PDK2: variants seen among roughly 807,000 people sequenced by gnomAD.
PDK2 encodes the protein pyruvate dehydrogenase kinase 2, also known as pyruvate dehydrogenase kinase, isozyme 2.
Under a neutral mutation model 50.4 loss-of-function variants are expected in PDK2, and 34 were observed. That is an observed-to-expected ratio of 0.68 (90% CI 0.51 to 0.90). PDK2 has a LOEUF of 0.90. PDK2 is among the 40% of genes least tolerant of loss of function. PDK2 has a pLI of 0.00. For missense variants in PDK2, 377 were observed against 544.5 expected (o/e 0.69, Z 3.06); for synonymous variants, 232 against 216.0 (o/e 1.07, Z -0.65).
At chr17:50,106,226 A>G (rs1266031270) in intron 4 of PDK2, 157 bp downstream of exon 4, 1 of 1,420,788 alleles carries the variant, frequency 7.0e-7, no homozygotes, top group Non-Finnish European at 9.2e-7. Flanking sequence ...TGGCTCCAAC[A>G]TGGAAAAATA....
chr17:50,101,257 A>G lies in PDK2; in HGVS notation c.260+3693A>G, dbSNP rs1421830609. On this transcript the variant is annotated intron_variant, in intron 2 of 10. Coordinates refer to ENST00000503176, the MANE Select transcript of PDK2 (RefSeq NM_002611.5). The surrounding 1 kb of genome is among the most constrained non-coding windows in gnomAD (Gnocchi z 4.2). Reference sequence around the variant, plus strand: ...CTGCTAAAGCCACACGAGCTCTCCAAACCCGTCAGCCGCTCCTTGCATGAC... The same window carrying G: ...CTGCTAAAGCCACACGAGCTCTCCAGACCCGTCAGCCGCTCCTTGCATGAC... Among the ~76,000 whole-genome samples the G allele has an allele frequency of 6.6e-6, 1 of 152,144 alleles. No homozygotes were observed. The highest frequency in any genetic ancestry group is 6.5e-5 in the Admixed American group (1 of 15,278).
In PDK2 at chr17:50,109,954, C is replaced by T; in HGVS notation, c.1084-3C>T. 6.4e-7 allele frequency: 1 copy of T among 1,555,162 alleles called. No individual in the cohort carries two copies. The highest frequency in any genetic ancestry group is 1.2e-5 in the South Asian group (1 of 84,264). ...GGGAGGGGCTGACCCTGACACTCCCCAGGCCCTGTCCACGGACTCGGTGGA... is the reference window on the plus strand; with the variant it reads ...GGGAGGGGCTGACCCTGACACTCCCTAGGCCCTGTCCACGGACTCGGTGGA... On this transcript the variant is annotated splice_region_variant and splice_polypyrimidine_tract_variant and intron_variant, in intron 10 of 10. Coordinates refer to ENST00000503176, the MANE Select transcript of PDK2 (RefSeq NM_002611.5). This position sits in a 1 kb window ranked among gnomAD's most constrained non-coding sequence, Gnocchi z 5.0.
intron 1 of PDK2, 63 bp from the exon 2 acceptor site, chr17:50,097,360 C>T (rs965651092): frequency 5.7e-6 from 9 of 1,566,898 alleles, no homozygotes; most frequent in Non-Finnish European, 7.8e-6. Context: ...GCTGACCTGG[C>T]CGAGACATCC....
chr17:50,108,785 T>C, intron 9 of PDK2, 66 bp downstream of exon 9: 1 of 949,256 alleles, frequency 1.1e-6, no homozygotes. Context: ...CTCACTTCCT[T>C]ATCTCCCTGC....
rs1220989495 is a variant in PDK2, at chr17:50,108,709, G to A, written c.959G>A (p.Gly320Glu). 1.9e-6 allele frequency: 3 copies of A among 1,609,122 alleles called. No individual in the cohort carries two copies. Among genetic ancestry groups the A allele is most frequent in the Non-Finnish European group, 2.5e-6 (3 of 1,177,012 alleles). ...TAPTPQPGTG[G>E]TPLAGFGYGL... The stretch of plus-strand genomic sequence containing the variant: ...CCCACCCCCCAGCCTGGCACCGGGG[G>A]AACGCCGCTGGTGAGATGGCTTCAC... Residue 320 changes from glycine (G) to glutamate (E), a missense_variant, in exon 9 of 11, where the codon GGA (glycine) becomes GAA (glutamate). Transcript: ENST00000503176.
In PDK2 at chr17:50,107,090, G is replaced by T. The variant is rs964935785; in HGVS notation, c.622G>T (p.Ala208Ser). The change falls in exon 6 of 11, where the codon GCT becomes TCT. Residue 208 changes from alanine to serine, a missense_variant. Physicochemically the swap from Ala to Ser is moderately conservative, Grantham distance 99 (BLOSUM62 1). Transcript: ENST00000503176. ...SEVVKDAYDM[A>S]KLLCDKYYMA... ...TCTTCTCTCAGATGCCTACGACATG[G>T]CTAAGCTCCTGTGTGACAAGTATTA... The T allele has an allele frequency of 6.2e-7, 1 of 1,614,004 alleles. No individual in the cohort carries two copies. The highest frequency in any genetic ancestry group is 1.3e-5 in the African/African-American group (1 of 74,912).
intron 2 of PDK2, chr17:50,098,353 C>G (rs1174452075): frequency 1.3e-5 from 2 of 152,184 alleles, no homozygotes; most frequent in Admixed American, 1.3e-4. Context: ...CACATGTATT[C>G]TGAGCTCAAA....
Position 50,106,086 on chromosome 17 carries a change from G to A in PDK2, c.517+17G>A. On this transcript the variant is annotated intron_variant, in intron 4 of 10. Transcript: ENST00000503176. ...ACCAGCACAGTGGGTGCCGGCCACA[G>A]CGGCGGGGAGCGGGCGGTGGGGGGG... 6.3e-7 allele frequency: 1 copy of A among 1,578,058 alleles called. No homozygotes were observed.
At position 50,111,712 on chromosome 17, in the gene PDK2, T is replaced by C. The variant is rs949306693; in HGVS notation, c.*1615T>C. 5 of 152,254 alleles carry C rather than the reference T, an allele frequency of 3.3e-5. No homozygotes were observed. Among genetic ancestry groups the C allele is most frequent in the African/African-American group, 1.2e-4 (5 of 41,434 alleles). The allele number at this position is 152,254 out of a possible 1,614,324, so 9.4% of individuals were successfully genotyped here. A position where few individuals can be genotyped will look rare whatever the true frequency, so the allele number is the denominator to read the frequency against. On this transcript the variant is annotated 3_prime_UTR_variant, in exon 11 of 11. Coordinates refer to ENST00000503176, the MANE Select transcript of PDK2 (RefSeq NM_002611.5). ...CTGACCAGTGTCCTGGAAGCGGGAC[T>C]AGCTGCTGACCAGCGCCACACATGA...
chr17:50,102,365 G>A (rs369522154), intron 2 of PDK2, among the ~76,000 whole-genome samples: 2 of 152,182 alleles, frequency 1.3e-5, no homozygotes. Flanking sequence ...TGCCCTCTAG[G>A]GTTGTTGAGC....
At position 50,097,512 on chromosome 17, in the gene PDK2, C is replaced by G; in HGVS notation, c.208C>G (p.Leu70Val). 6.2e-7 allele frequency: 1 copy of G among 1,613,980 alleles called. No individual in the cohort carries two copies. Reference sequence around the variant, plus strand: ...GGCCAACATCATGAAAGAGATCAACCTGCTTCCCGACCGAGTGCTGAGCAC... The same window carrying G: ...GGCCAACATCATGAAAGAGATCAACGTGCTTCCCGACCGAGTGCTGAGCAC... ...RLANIMKEIN[L>V]LPDRVLSTPS... is the part of the protein sequence containing the mutation. The change falls in exon 2 of 11, where the codon CTG becomes GTG. Residue 70 changes from leucine to valine, a missense_variant. By Grantham distance (32) the Leu-to-Val change is conservative. Around this residue, in one of 3 missense-constraint regions of PDK2, gnomAD observed 100 missense variants for 115.5 expected, o/e 0.87. Coordinates refer to ENST00000503176, the MANE Select transcript of PDK2 (RefSeq NM_002611.5).
At chr17:50,097,972 A>G (rs926123499) in intron 2 of PDK2, among the ~76,000 whole-genome samples, 11 of 152,238 alleles carry the variant, frequency 7.2e-5, no homozygotes, top group South Asian at 4.1e-4. Context: ...GTTTTCAAAT[A>G]CATTATATAA....
Position 50,109,231 on chromosome 17 carries a change from C to A in PDK2, c.970-56C>A. The A allele has an allele frequency of 9.0e-7, 1 of 1,112,278 alleles. No homozygotes were observed. Among genetic ancestry groups the A allele is most frequent in the Non-Finnish European group, 1.4e-6 (1 of 740,116 alleles). The allele number at this position is 1,112,278 out of a possible 1,614,324, so 68.9% of individuals were successfully genotyped here. On this transcript the variant is annotated intron_variant, in intron 9 of 10. Coordinates refer to ENST00000503176, the MANE Select transcript of PDK2 (RefSeq NM_002611.5). The surrounding 1 kb of genome is among the most constrained non-coding windows in gnomAD (Gnocchi z 5.0). ...TCCCTCCCTGCATCAGTCCCTGCAG[C>A]TCCAGGAGGCCCCTGCCAGCCTCCT...
chr17:50,100,063 A>AG (rs1248327519), intron 2 of PDK2, among the ~76,000 whole-genome samples: 3 of 152,050 alleles, frequency 2.0e-5, no homozygotes, highest in Non-Finnish European at 4.4e-5. Flanking sequence ...GCCTGAGAGG[A>AG]GGGGGGAGAC....
At chr17:50,106,745 T>C in intron 4 of PDK2, 49 bp from the exon 5 acceptor site, 1 of 1,487,826 alleles carries the variant, frequency 6.7e-7, no homozygotes, top group South Asian at 1.1e-5. Context: ...GAGGGAGCGC[T>C]GGGACAGACT....
At chr17:50,096,953 C>A (rs2144343411) in intron 1 of PDK2, among the ~76,000 whole-genome samples, 1 of 152,336 alleles carries the variant, frequency 6.6e-6, no homozygotes, top group Non-Finnish European at 1.5e-5. Flanking sequence ...GCATTCAGGC[C>A]AGGCTGGGTG....
At chr17:50,099,862 G>A (rs12602229) in intron 2 of PDK2, among the ~76,000 whole-genome samples, 19,399 of 152,320 alleles carry the variant, frequency 0.13, 1,819 homozygotes, top group East Asian at 0.34. Context: ...ATCCCAACGC[G>A]CTGAAGAGAC....
intron 6 of PDK2, 122 bp downstream of exon 6, chr17:50,107,275 A>G (rs1053153801): frequency 8.4e-6 from 6 of 714,636 alleles, no homozygotes; most frequent in Admixed American, 2.3e-5. Context: ...TTATTATATT[A>G]TTAATTCATT....
rs899487233 is a variant in PDK2, at chr17:50,110,351, G to A, written c.*254G>A. On this transcript the variant is annotated 3_prime_UTR_variant, in exon 11 of 11. Coordinates refer to ENST00000503176, the MANE Select transcript of PDK2 (RefSeq NM_002611.5). ...GGGTTAGGGATGTCTCCACCCTGAT[G>A]GGGTGTCCCAGAGACATTTTCCCAT... 2.7e-6 allele frequency: 1 copy of A among 364,246 alleles called. No homozygotes were observed. The highest frequency in any genetic ancestry group is 4.3e-5 in the East Asian group (1 of 23,258). 22.6% of individuals were successfully genotyped at this position (364,246 alleles called of 1,614,324 possible).
Sources: allele counts gnomAD v4.1 joint callset (sites outside exome capture counted in the v4.1 genomes callset), GRCh38; gene constraint gnomAD v4.1.1; regional missense constraint gnomAD v4.1.1; non-coding constraint Gnocchi (gnomAD v3.1); transcripts MANE v1.5; gene names NCBI Gene and HGNC (gene_info 2026-07-23, HGNC 2026-07-21).